The following MAP3K6 variants were observed in gnomAD, a reference collection of about 807,000 sequenced individuals.
The protein encoded by MAP3K6 is apoptosis signal-regulating kinase 2.
A neutral mutation model predicts 147.1 loss-of-function variants in MAP3K6; 105 were observed. That is an observed-to-expected ratio of 0.71 (90% CI 0.61 to 0.84). MAP3K6 has a LOEUF of 0.84. Among genes scored for constraint, MAP3K6 ranks in the 40% least tolerant of loss-of-function variants. The probability of loss-of-function intolerance (pLI) is 0.00; values close to 1 mark genes in which losing one functional copy is unlikely to be tolerated. For missense variants in MAP3K6, 1,569 were observed against 1,715.0 expected (o/e 0.91, Z 1.50); for synonymous variants, 695 against 732.4 (o/e 0.95, Z 0.82).
chr1:27,361,381 G>A lies in MAP3K6; in HGVS notation c.1701C>T (p.Ser567=). ...ATATGGAGGCGACTGGGAAGGTCCA[G>A]CTGGAGGGAATGTCCTGCAAGAAGA... ...LEPETQDIPS[S]WTFPVASICG... The change falls in exon 12 of 29, where the codon AGC becomes AGT. Residue 567 remains serine (S), a synonymous_variant. Coordinates refer to ENST00000357582, the MANE Select transcript of MAP3K6 (RefSeq NM_004672.5). The A allele has an allele frequency of 6.2e-7, 1 of 1,613,904 alleles. No individual in the cohort carries two copies. The highest frequency in any genetic ancestry group is 1.1e-5 in the South Asian group (1 of 91,050).
In MAP3K6 at chr1:27,361,542, C is replaced by T. The variant is rs2015770628; in HGVS notation, c.1664G>A (p.Ser555Asn). ...CACCTGGGTCTCAGGCTCCAGCAGG[C>T]TCAGGGTCACTGTGCTTACTGGGTC... ...GTDPVSTVTL[S>N]LLEPETQDIP... Residue 555 changes from serine to asparagine, a missense_variant, in exon 11 of 29, where the codon AGC becomes AAC. By Grantham distance (46) the Ser-to-Asn change is conservative. Coordinates refer to ENST00000357582, the MANE Select transcript of MAP3K6 (RefSeq NM_004672.5). 6.2e-6 allele frequency: 10 copies of T among 1,614,068 alleles called. No homozygotes were observed. The highest frequency in any genetic ancestry group is 1.7e-5 in the Admixed American group (1 of 60,008).
At position 27,361,583 on chromosome 1, in the gene MAP3K6, G is replaced by A. The variant is rs933875147; in HGVS notation, c.1623C>T (p.Leu541=). 6 of 1,614,042 alleles carry A rather than the reference G, an allele frequency of 3.7e-6. No homozygotes were observed. The highest frequency in any genetic ancestry group is 1.6e-4 in the Middle Eastern group (1 of 6,084). ...TTACTGGGTCAGTACCCCGAACCTC[G>A]AGCTTTGCAGGCAGCAGCACCTTGT... The part of the protein sequence containing the change: ...EMNKVLLPAK[L]EVRGTDPVST... The change falls in exon 11 of 29, where the codon CTC becomes CTT. Residue 541 remains leucine (L), a synonymous_variant. Transcript: ENST00000357582.
intron 9 of MAP3K6, 24 bp from the exon 10 acceptor site, chr1:27,361,891 G>T (rs752300373): frequency 2.0e-6 from 3 of 1,520,458 alleles, no homozygotes; most frequent in South Asian, 1.3e-5. Flanking sequence ...CACATCCTCA[G>T]TTCAGCCCAG....
Position 27,361,733 on chromosome 1 carries a change from G to A in MAP3K6, c.1550C>T (p.Thr517Ile). 2.5e-6 allele frequency: 4 copies of A among 1,613,464 alleles called. No homozygotes were observed. The highest frequency in any genetic ancestry group is 1.1e-5 in the South Asian group (1 of 91,038). Residue 517 changes from threonine (T) to isoleucine (I), a missense_variant, in exon 10 of 29, where the codon ACA (threonine) becomes ATA (isoleucine). Transcript: ENST00000357582. ...GCACTGGTCGCCCTGGGCACAGGCT[G>A]TCTTGAATGGTTGGCAGGACTGTAG... is the stretch of plus-strand genomic sequence containing the variant. ...FLLQSCQPFK[T>I]ACAQGDQCLV...
At position 27,366,799 on chromosome 1, in the gene MAP3K6, A is replaced by G. The variant is rs1349543105; in HGVS notation, c.-202T>C. 10 of 241,198 alleles carry G rather than the reference A, an allele frequency of 4.1e-5. No homozygotes were observed. Among genetic ancestry groups the G allele is most frequent in the Non-Finnish European group, 6.8e-5 (10 of 147,330 alleles). 14.9% of individuals were successfully genotyped at this position (241,198 alleles called of 1,614,324 possible). A position where few individuals can be genotyped will look rare whatever the true frequency, so the allele number is the denominator to read the frequency against. The stretch of plus-strand genomic sequence containing the variant: ...GGAGAAATCCTAGCTCGGACTTGCA[A>G]GGTCCTGAGGTTCTGAAATCCGGGA... On this transcript the variant is annotated 5_prime_UTR_variant, in exon 1 of 29. Coordinates refer to ENST00000357582, the MANE Select transcript of MAP3K6 (RefSeq NM_004672.5). This position sits in a 1 kb window ranked among gnomAD's most constrained non-coding sequence, Gnocchi z 5.5.
In MAP3K6 at chr1:27,362,112, T is replaced by C; in HGVS notation, c.1394A>G (p.Tyr465Cys). Residue 465 changes from tyrosine to cysteine, a missense_variant, in exon 9 of 29, where the codon TAT (tyrosine) becomes TGT (cysteine). Coordinates refer to ENST00000357582, the MANE Select transcript of MAP3K6 (RefSeq NM_004672.5). ...CTACCATATGGGGGCATTGAGCTTA[T>C]ACAGCTGCTCTGCAGCCAGCACCAC... Reference protein sequence around the residue: ...TQVVLAAEQLYKLNAPIWYLV... With the variant: ...TQVVLAAEQLCKLNAPIWYLV... 6.2e-7 allele frequency: 1 copy of C among 1,613,066 alleles called. No individual in the cohort carries two copies. Among genetic ancestry groups the C allele is most frequent in the Non-Finnish European group, 8.5e-7 (1 of 1,179,596 alleles).
Position 27,356,040 on chromosome 1 carries a change from C to T in MAP3K6, c.3697G>A (p.Gly1233Ser), listed in dbSNP as rs1051149593. Residue 1233 changes from glycine to serine, a missense_variant, in exon 27 of 29, where the codon GGC becomes AGC. Coordinates refer to ENST00000357582, the MANE Select transcript of MAP3K6 (RefSeq NM_004672.5). ...CCCCGACTCACCATTTGGATGGTGC[C>T]TGAATCCACATTCAGTTCCTGTAGC... ...QWLQELNVDS[G>S]TIQMLLNHSF... 6.8e-6 allele frequency: 11 copies of T among 1,614,160 alleles called. No individual in the cohort carries two copies. Among genetic ancestry groups the T allele is most frequent in the Non-Finnish European group, 9.3e-6 (11 of 1,180,034 alleles).
At position 27,366,383 on chromosome 1, in the gene MAP3K6, A is replaced by T; in HGVS notation, c.215T>A (p.Leu72Gln). ...REGTEAEPLP[L>Q]RCLREACAQV... ...CGCGCAAGCCTCGCGCAGGCAGCGC[A>T]GGGGCAGCGGCTCCGCCTCGGTTCC... is the stretch of plus-strand genomic sequence containing the variant. Residue 72 changes from leucine to glutamine, a missense_variant, in exon 1 of 29, where the codon CTG becomes CAG. Leu to Gln is a moderately radical substitution (Grantham distance 113). Coordinates refer to ENST00000357582, the MANE Select transcript of MAP3K6 (RefSeq NM_004672.5). This position sits in a 1 kb window ranked among gnomAD's most constrained non-coding sequence, Gnocchi z 5.5. 1 of 1,242,798 alleles carries T rather than the reference A, an allele frequency of 8.0e-7. No homozygotes were observed. Among genetic ancestry groups the T allele is most frequent in the East Asian group, 3.3e-5 (1 of 30,326 alleles). 77.0% of individuals were successfully genotyped at this position (1,242,798 alleles called of 1,614,324 possible).
At position 27,358,819 on chromosome 1, in the gene MAP3K6, C is replaced by T. The variant is rs1191484843; in HGVS notation, c.2473G>A (p.Gly825Arg). 2.3e-5 allele frequency: 37 copies of T among 1,608,786 alleles called. No homozygotes were observed. The highest frequency in any genetic ancestry group is 5.0e-5 in the Admixed American group (3 of 59,424). The change falls in exon 19 of 29, where the codon GGG becomes AGG. Residue 825 changes from glycine (G) to arginine (R), a missense_variant. Coordinates refer to ENST00000357582, the MANE Select transcript of MAP3K6 (RefSeq NM_004672.5). The surrounding 1 kb of genome is among the most constrained non-coding windows in gnomAD (Gnocchi z 6.2). Reference sequence around the variant, plus strand: ...CAGATGTCAGCTGCTTTCCCATACCCGCGTGGGCCCTGGTCAATGATTTCT... The same window carrying T: ...CAGATGTCAGCTGCTTTCCCATACCTGCGTGGGCCCTGGTCAATGATTTCT... ...APEIIDQGPRGYGKAADIWSL... is the reference protein window; with the variant it reads ...APEIIDQGPRRYGKAADIWSL...
chr1:27,364,141 C>A lies in MAP3K6; in HGVS notation c.696-56G>T. 6.3e-7 allele frequency: 1 copy of A among 1,598,316 alleles called. No individual in the cohort carries two copies. On this transcript the variant is annotated intron_variant, in intron 4 of 28. Transcript: ENST00000357582. The surrounding 1 kb of genome is among the most constrained non-coding windows in gnomAD (Gnocchi z 4.4). Reference sequence around the variant, plus strand: ...GAGAATGGTGGGGCCTGTACCTCAGCCCCAGCCCACCATACCCTCACCAGC... The same window carrying A: ...GAGAATGGTGGGGCCTGTACCTCAGACCCAGCCCACCATACCCTCACCAGC...
chr1:27,362,931 G>A lies in MAP3K6; in HGVS notation c.1062C>T (p.Cys354=). 1.2e-6 allele frequency: 2 copies of A among 1,614,156 alleles called. No homozygotes were observed. The highest frequency in any genetic ancestry group is 2.2e-5 in the East Asian group (1 of 44,890). The change falls in exon 7 of 29, where the codon TGC becomes TGT. Residue 354 remains cysteine (C), a synonymous_variant. Coordinates refer to ENST00000357582, the MANE Select transcript of MAP3K6 (RefSeq NM_004672.5). ...TGTCCTTGTAGATACGGCCACACAT[G>A]CAGTACAGATCGGGCGCCACAGAGC... ...LEGSVAPDLY[C]MCGRIYKDMF...
Position 27,362,239 on chromosome 1 carries a change from C to T in MAP3K6, c.1267G>A (p.Gly423Ser). 2.5e-6 allele frequency: 4 copies of T among 1,610,914 alleles called. No individual in the cohort carries two copies. Among genetic ancestry groups the T allele is most frequent in the Non-Finnish European group, 3.4e-6 (4 of 1,178,528 alleles). The change falls in exon 9 of 29, where the codon GGC becomes AGC. Residue 423 changes from glycine (G) to serine (S), a missense_variant. Transcript: ENST00000357582. ...KELRLIGMKLGCLLARKGCVE... is the reference protein window; with the variant it reads ...KELRLIGMKLSCLLARKGCVE... ...CAGCCTTTGCGGGCCAGCAGGCAGC[C>T]CAGCTTCATGCCTGGGGGAGAGAGG...
At position 27,359,779 on chromosome 1, in the gene MAP3K6, A is replaced by G; in HGVS notation, c.2319+79T>C. 1.3e-6 allele frequency: 2 copies of G among 1,591,562 alleles called. No individual in the cohort carries two copies. Among genetic ancestry groups the G allele is most frequent in the Non-Finnish European group, 1.7e-6 (2 of 1,164,604 alleles). ...CAACAGGTCTGCTCACTTAATCTAAACTGCCAGCCTGCGTCTGGGACCATG... is the reference window on the plus strand; with the variant it reads ...CAACAGGTCTGCTCACTTAATCTAAGCTGCCAGCCTGCGTCTGGGACCATG... On this transcript the variant is annotated intron_variant, in intron 17 of 28. Transcript: ENST00000357582. This position sits in a 1 kb window ranked among gnomAD's most constrained non-coding sequence, Gnocchi z 4.4.
Position 27,364,783 on chromosome 1 carries a change from T to G in MAP3K6, c.470A>C (p.Gln157Pro). Reference protein sequence around the residue: ...LCSQADLPDLQALREDVFQKN... With the variant: ...LCSQADLPDLPALREDVFQKN... ...CCCCAGGCCACCTACCCGCAGGGCC[T>G]GCAGGTCAGGGAGGTCGGCCTGGGA... Residue 157 changes from glutamine to proline, a missense_variant, in exon 2 of 29, where the codon CAG becomes CCG. Transcript: ENST00000357582. This position sits in a 1 kb window ranked among gnomAD's most constrained non-coding sequence, Gnocchi z 4.4. 1.2e-6 allele frequency: 2 copies of G among 1,613,782 alleles called. No homozygotes were observed. The highest frequency in any genetic ancestry group is 1.7e-6 in the Non-Finnish European group (2 of 1,179,668).
rs767309860 is a variant in MAP3K6, at chr1:27,359,015, A to G, written c.2426-149T>C. 6 of 822,782 alleles carry G rather than the reference A, an allele frequency of 7.3e-6. No individual in the cohort carries two copies. The South Asian group carries it at 1.1e-4, about 15-fold the overall frequency. The allele number at this position is 822,782 out of a possible 1,614,324, so 51.0% of individuals were successfully genotyped here. ...TCAACACCTATCCTGGTCATCAAAC[A>G]TCTATCCTGAGTTCCATCACCACCC... On this transcript the variant is annotated intron_variant, in intron 18 of 28. Coordinates refer to ENST00000357582, the MANE Select transcript of MAP3K6 (RefSeq NM_004672.5). This position sits in a 1 kb window ranked among gnomAD's most constrained non-coding sequence, Gnocchi z 4.4.
rs191299880 is a variant in MAP3K6 at position 27,355,898 on chromosome 1, G to T, written c.3711+128C>A. ...TTTTCTCATCCATACAATGGGACGAGAATACTAAGTGTTCTTCTGGTAGTG... is the reference window on the plus strand; with the variant it reads ...TTTTCTCATCCATACAATGGGACGATAATACTAAGTGTTCTTCTGGTAGTG... On this transcript the variant is annotated intron_variant, in intron 27 of 28. Coordinates refer to ENST00000357582, the MANE Select transcript of MAP3K6 (RefSeq NM_004672.5). 2.3e-5 allele frequency: 26 copies of T among 1,133,532 alleles called. No individual in the cohort carries two copies. The East Asian group carries it at 3.2e-4, about 14-fold the overall frequency. The allele number at this position is 1,133,532 out of a possible 1,614,324, so 70.2% of individuals were successfully genotyped here. A position where few individuals can be genotyped will look rare whatever the true frequency, so the allele number is the denominator to read the frequency against.
rs773144014 is a variant in MAP3K6 at position 27,355,688 on chromosome 1, G to C, written c.3769C>G (p.Leu1257Val). The C allele has an allele frequency of 3.1e-6, 5 of 1,611,926 alleles. No individual in the cohort carries two copies. In the South Asian group the frequency reaches 5.5e-5, roughly 18 times the overall value. The change falls in exon 28 of 29, where the codon CTC becomes GTC. Residue 1257 changes from leucine to valine, a missense_variant. Physicochemically the swap from Leu to Val is conservative, Grantham distance 32. Transcript: ENST00000357582. ...TLLTYATRDD[L>V]IYTRIRGGMV... ...ATGTACCTGATGCGGGTGTAGATGA[G>C]GTCATCTCGAGTGGCATAGGTGAGC...
At chr1:27,361,897 C>A (rs143794937) in intron 9 of MAP3K6, 30 bp from the exon 10 acceptor site, 2 of 1,514,298 alleles carry the variant, frequency 1.3e-6, no homozygotes, top group Non-Finnish European at 1.8e-6. Flanking sequence ...CTCAGTTCAG[C>A]CCAGGCACCA....
In MAP3K6 at chr1:27,361,558, T is replaced by G. The variant is rs779034227; in HGVS notation, c.1648A>C (p.Ser550Arg). Residue 550 changes from serine (S) to arginine (R), a missense_variant, in exon 11 of 29, where the codon AGC becomes CGC. Physicochemically the swap from Ser to Arg is moderately radical, Grantham distance 110 (BLOSUM62 -1). Transcript: ENST00000357582. Reference protein sequence around the residue: ...KLEVRGTDPVSTVTLSLLEPE... With the variant: ...KLEVRGTDPVRTVTLSLLEPE... ...TCCAGCAGGCTCAGGGTCACTGTGC[T>G]TACTGGGTCAGTACCCCGAACCTCG... is the stretch of plus-strand genomic sequence containing the variant. The G allele has an allele frequency of 3.1e-6, 5 of 1,614,058 alleles. No homozygotes were observed. In the African/African-American group the frequency reaches 6.7e-5, roughly 22 times the overall value.
Sources: allele counts gnomAD v4.1 joint callset, GRCh38; gene constraint gnomAD v4.1.1; non-coding constraint Gnocchi (gnomAD v3.1); transcripts MANE v1.5; gene names NCBI Gene and HGNC (gene_info 2026-07-23, HGNC 2026-07-21).